NEUROG3: variants seen among roughly 807,000 people sequenced by gnomAD.
NEUROG3 encodes the protein neurogenin 3.
For missense variants in NEUROG3, 307 were observed against 297.9 expected, an observed-to-expected ratio of 1.03 and a Z score of -0.22; for synonymous variants, 161 against 139.2, an observed-to-expected ratio of 1.16 and a Z score of -1.10.
At position 69,573,331 on chromosome 10, in the gene NEUROG3, C is replaced by T. The variant is rs1413823592; in HGVS notation, c.-123G>A. On this transcript the variant is annotated 5_prime_UTR_variant, in exon 1 of 2. Coordinates refer to ENST00000242462, the MANE Select transcript of NEUROG3 (RefSeq NM_020999.4). Reference sequence around the variant, plus strand: ...GCCCCCGCCTGGGAGTTGCCCCAGCCCCAAAGGAGAAAAGAAGAGAGAATG... The same window carrying T: ...GCCCCCGCCTGGGAGTTGCCCCAGCTCCAAAGGAGAAAAGAAGAGAGAATG... 1 of 544,772 alleles carries T rather than the reference C, an allele frequency of 1.8e-6. No individual in the cohort carries two copies. Among genetic ancestry groups the T allele is most frequent in the East Asian group, 3.2e-5 (1 of 31,406 alleles). The allele number at this position is 544,772 out of a possible 1,614,324, so 33.7% of individuals were successfully genotyped here. A position where few individuals can be genotyped will look rare whatever the true frequency, so the allele number is the denominator to read the frequency against.
At position 69,573,207 on chromosome 10, in the gene NEUROG3, T is replaced by C. The variant is rs1839242304; in HGVS notation, c.-2+3A>G. On this transcript the variant is annotated splice_donor_region_variant and intron_variant, in intron 1 of 1. Transcript: ENST00000242462. Reference sequence around the variant, plus strand: ...CCGTCCCTCGGAGGCCTCCAAATATTACCTTTCTACCGGCGCAAAAGAATA... The same window carrying C: ...CCGTCCCTCGGAGGCCTCCAAATATCACCTTTCTACCGGCGCAAAAGAATA... 4 of 709,598 alleles carry C rather than the reference T, an allele frequency of 5.6e-6. No individual in the cohort carries two copies. In the Admixed American group the frequency reaches 8.5e-5, roughly 15 times the overall value. 44.0% of individuals were successfully genotyped at this position (709,598 alleles called of 1,614,324 possible).
In NEUROG3 at chr10:69,573,296, A is replaced by C. The variant is rs1414350372; in HGVS notation, c.-88T>G. The C allele has an allele frequency of 1.8e-6, 1 of 566,838 alleles. No homozygotes were observed. Among genetic ancestry groups the C allele is most frequent in the Non-Finnish European group, 3.1e-6 (1 of 323,232 alleles). 35.1% of individuals were successfully genotyped at this position (566,838 alleles called of 1,614,324 possible). On this transcript the variant is annotated 5_prime_UTR_variant, in exon 1 of 2. Coordinates refer to ENST00000242462, the MANE Select transcript of NEUROG3 (RefSeq NM_020999.4). ...GGCTTCTGGTCGCCAAGTTCAGCTG[A>C]GCTGCAGGCGCCCCCGCCTGGGAGT... is the stretch of plus-strand genomic sequence containing the variant.
In NEUROG3 at chr10:69,571,721, G is replaced by C. The variant is rs943931532; in HGVS notation, c.*678C>G. 64 of 152,248 alleles carry C rather than the reference G, an allele frequency of 4.2e-4. No individual in the cohort carries two copies. Among genetic ancestry groups the C allele is most frequent in the African/African-American group, 1.3e-3 (54 of 41,466 alleles). The allele number at this position is 152,248 out of a possible 1,614,324, so 9.4% of individuals were successfully genotyped here. A position where few individuals can be genotyped will look rare whatever the true frequency, so the allele number is the denominator to read the frequency against. ...CGGTGCTCCAGGCACCTGCAGCGCAGCTCACGTTTCAGGCGCAGTTCGCAG... is the reference window on the plus strand; with the variant it reads ...CGGTGCTCCAGGCACCTGCAGCGCACCTCACGTTTCAGGCGCAGTTCGCAG... On this transcript the variant is annotated 3_prime_UTR_variant, in exon 2 of 2. Transcript: ENST00000242462.
At chr10:69,573,152 G>T in intron 1 of NEUROG3, 58 bp downstream of exon 1, 2 of 1,292,598 alleles carry the variant, frequency 1.5e-6, no homozygotes, top group Non-Finnish European at 2.2e-6. Context: ...CCCAGCCCCC[G>T]CTGGGTCAGA....
intron 1 of NEUROG3, 63 bp from the exon 2 acceptor site, chr10:69,573,107 G>T: frequency 6.3e-7 from 1 of 1,581,740 alleles, no homozygotes; most frequent in Non-Finnish European, 8.6e-7. Context: ...CCGCGATTCC[G>T]AGGCTAGGTG....
At position 69,572,660 on chromosome 10, in the gene NEUROG3, G is replaced by A; in HGVS notation, c.384C>T (p.Ala128=). 2 of 1,614,136 alleles carry A rather than the reference G, an allele frequency of 1.2e-6. No homozygotes were observed. Among genetic ancestry groups the A allele is most frequent in the Non-Finnish European group, 1.7e-6 (2 of 1,179,954 alleles). The change falls in exon 2 of 2, where the codon GCC becomes GCT. Residue 128 remains alanine, a synonymous_variant. Transcript: ENST00000242462. The stretch of plus-strand genomic sequence containing the variant: ...GAGTCAGCGCCCAGATGTAGTTGTG[G>A]GCGAAGCGCAGCGTCTCGATCTTGG... The part of the protein sequence containing the change: ...KLTKIETLRF[A]HNYIWALTQT...
Position 69,572,955 on chromosome 10 carries a change from G to A in NEUROG3, c.89C>T (p.Thr30Ile). Residue 30 changes from threonine to isoleucine, a missense_variant, in exon 2 of 2, where the codon ACC becomes ATC. By Grantham distance (89) the Thr-to-Ile change is moderately conservative (BLOSUM62 -1). Transcript: ENST00000242462. The part of the protein sequence containing the change: ...SFPRASEDEV[T>I]CPTSAPPSPT... ...GCTGGGCGGGGCGGACGTGGGGCAG[G>A]TCACTTCGTCTTCCGAGGCTCTGGG... 1 of 1,613,332 alleles carries A rather than the reference G, an allele frequency of 6.2e-7. No homozygotes were observed. Among genetic ancestry groups the A allele is most frequent in the Non-Finnish European group, 8.5e-7 (1 of 1,180,010 alleles).
intron 1 of NEUROG3, 63 bp from the exon 2 acceptor site, chr10:69,573,107 G>C: frequency 6.3e-7 from 1 of 1,581,740 alleles, no homozygotes; most frequent in Admixed American, 1.7e-5. Context: ...CCGCGATTCC[G>C]AGGCTAGGTG....
Position 69,572,186 on chromosome 10 carries a change from A to C in NEUROG3, c.*213T>G. ...ATGCCCACTTCGCGCGGGCAGCAGC[A>C]AGGGTTGCGTGCGTTGGCGCGGCTC... On this transcript the variant is annotated 3_prime_UTR_variant, in exon 2 of 2. Coordinates refer to ENST00000242462, the MANE Select transcript of NEUROG3 (RefSeq NM_020999.4). The C allele has an allele frequency of 1.6e-6, 1 of 614,860 alleles. No homozygotes were observed. 38.1% of individuals were successfully genotyped at this position (614,860 alleles called of 1,614,324 possible).
In NEUROG3 at chr10:69,572,248, T is replaced by A; in HGVS notation, c.*151A>T. On this transcript the variant is annotated 3_prime_UTR_variant, in exon 2 of 2. Transcript: ENST00000242462. ...GAATGAACCCAGCCTGCCGCCCCCGTGGAGGCCTGGGCCGGCCAGGGGTCA... is the reference window on the plus strand; with the variant it reads ...GAATGAACCCAGCCTGCCGCCCCCGAGGAGGCCTGGGCCGGCCAGGGGTCA... 1.2e-6 allele frequency: 1 copy of A among 868,726 alleles called. No homozygotes were observed. Among genetic ancestry groups the A allele is most frequent in the Non-Finnish European group, 1.7e-6 (1 of 575,762 alleles). The allele number at this position is 868,726 out of a possible 1,614,324, so 53.8% of individuals were successfully genotyped here.
In NEUROG3 at chr10:69,572,916, C is replaced by G; in HGVS notation, c.128G>C (p.Arg43Pro). Reference sequence around the variant, plus strand: ...CTCTTCCGCCTCTGCGCAGTTCCCCCGTGTGCGAGTGGGGCTGGGCGGGGC... The same window carrying G: ...CTCTTCCGCCTCTGCGCAGTTCCCCGGTGTGCGAGTGGGGCTGGGCGGGGC... ...TSAPPSPTRT[R>P]GNCAEAEEGG... Residue 43 changes from arginine to proline, a missense_variant, in exon 2 of 2, where the codon CGG becomes CCG. By Grantham distance (103) the Arg-to-Pro change is moderately radical. Coordinates refer to ENST00000242462, the MANE Select transcript of NEUROG3 (RefSeq NM_020999.4). 6.2e-7 allele frequency: 1 copy of G among 1,612,326 alleles called. No individual in the cohort carries two copies. The highest frequency in any genetic ancestry group is 8.5e-7 in the Non-Finnish European group (1 of 1,179,796).
chr10:69,571,690 G>C (rs77871908), downstream of NEUROG3: 3 of 152,200 alleles, frequency 2.0e-5, no homozygotes, highest in East Asian at 5.8e-4. Flanking sequence ...AAAAAAAAAA[G>C]ATGCGCGGTG....
chr10:69,572,786 C>G lies in NEUROG3; in HGVS notation c.258G>C (p.Lys86Asn). 4.3e-6 allele frequency: 7 copies of G among 1,613,868 alleles called. No homozygotes were observed. The South Asian group carries it at 5.5e-5, about 13-fold the overall frequency. The stretch of plus-strand genomic sequence containing the variant: ...GATTGCGCTCGCGGTCGTTGGCCTT[C>G]TTTCGCCGACTCCGTCGCTGCTTGC... ...ALSKQRRSRR[K>N]KANDRERNRM... The change falls in exon 2 of 2, where the codon AAG becomes AAC. Residue 86 changes from lysine (K) to asparagine (N), a missense_variant. Physicochemically the swap from Lys to Asn is moderately conservative, Grantham distance 94. Coordinates refer to ENST00000242462, the MANE Select transcript of NEUROG3 (RefSeq NM_020999.4).
rs199710370 is a variant in NEUROG3 at position 69,572,582 on chromosome 10, C to T, written c.462G>A (p.Pro154=). The change falls in exon 2 of 2, where the codon CCG becomes CCA. Residue 154 remains proline, a synonymous_variant. Coordinates refer to ENST00000242462, the MANE Select transcript of NEUROG3 (RefSeq NM_020999.4). ...HSLYALEPPA[P]HCGELGSPGG... Reference sequence around the variant, plus strand: ...CTGGGCTGCCCAGCTCCCCGCAGTGCGGCGCCGGCGGCTCCAGCGCGTACA... The same window carrying T: ...CTGGGCTGCCCAGCTCCCCGCAGTGTGGCGCCGGCGGCTCCAGCGCGTACA... The T allele has an allele frequency of 5.0e-6, 8 of 1,613,388 alleles. No homozygotes were observed. The highest frequency in any genetic ancestry group is 3.3e-5 in the Admixed American group (2 of 59,984).
chr10:69,572,921 G>C lies in NEUROG3; in HGVS notation c.123C>G (p.Arg41=), dbSNP rs768195832. The change falls in exon 2 of 2, where the codon CGC becomes CGG. Residue 41 remains arginine, a synonymous_variant. Transcript: ENST00000242462. ...CCGCCTCTGCGCAGTTCCCCCGTGT[G>C]CGAGTGGGGCTGGGCGGGGCGGACG... ...CPTSAPPSPT[R]TRGNCAEAEE... 1.2e-6 allele frequency: 2 copies of C among 1,612,538 alleles called. No individual in the cohort carries two copies. Among genetic ancestry groups the C allele is most frequent in the South Asian group, 2.2e-5 (2 of 91,030 alleles).
rs567309990 is a variant in NEUROG3, at chr10:69,572,908, A to T, written c.136T>A (p.Cys46Ser). ...PPSPTRTRGN[C>S]AEAEEGGCRG... Reference sequence around the variant, plus strand: ...CAGCCTCCCTCTTCCGCCTCTGCGCAGTTCCCCCGTGTGCGAGTGGGGCTG... The same window carrying T: ...CAGCCTCCCTCTTCCGCCTCTGCGCTGTTCCCCCGTGTGCGAGTGGGGCTG... Residue 46 changes from cysteine (C) to serine (S), a missense_variant, in exon 2 of 2, where the codon TGC (cysteine) becomes AGC (serine). Transcript: ENST00000242462. The T allele has an allele frequency of 4.7e-5, 75 of 1,611,612 alleles. 1 individual carries two copies. The South Asian group carries it at 7.8e-4, about 17-fold the overall frequency.
chr10:69,572,177 G>A lies in NEUROG3; in HGVS notation c.*222C>T. On this transcript the variant is annotated 3_prime_UTR_variant, in exon 2 of 2. Transcript: ENST00000242462. ...CACTTTGCAATGCCCACTTCGCGCGGGCAGCAGCAAGGGTTGCGTGCGTTG... is the reference window on the plus strand; with the variant it reads ...CACTTTGCAATGCCCACTTCGCGCGAGCAGCAGCAAGGGTTGCGTGCGTTG... 3.3e-6 allele frequency: 2 copies of A among 603,980 alleles called. No individual in the cohort carries two copies. The highest frequency in any genetic ancestry group is 5.8e-6 in the Non-Finnish European group (2 of 342,094). 37.4% of individuals were successfully genotyped at this position (603,980 alleles called of 1,614,324 possible).
At chr10:69,573,174 TCC>T in intron 1 of NEUROG3, 34 bp downstream of exon 1, 1 of 1,003,980 alleles carries the variant, frequency 1.0e-6, no homozygotes, top group South Asian at 1.5e-5. Flanking sequence ...GATCCCTCTT[TCC>T]CCTGCCCGTC....
At position 69,573,008 on chromosome 10, in the gene NEUROG3, T is replaced by C; in HGVS notation, c.36A>G (p.Gln12=). The part of the protein sequence containing the change: ...TPQPSGAPTV[Q]VTRETERSFP... Reference sequence around the variant, plus strand: ...AGGACCGCTCCGTCTCACGGGTCACTTGGACAGTGGGCGCACCCGAGGGTT... The same window carrying C: ...AGGACCGCTCCGTCTCACGGGTCACCTGGACAGTGGGCGCACCCGAGGGTT... The change falls in exon 2 of 2, where the codon CAA becomes CAG. Residue 12 remains glutamine, a synonymous_variant. Coordinates refer to ENST00000242462, the MANE Select transcript of NEUROG3 (RefSeq NM_020999.4). The C allele has an allele frequency of 6.2e-7, 1 of 1,613,700 alleles. No homozygotes were observed. The highest frequency in any genetic ancestry group is 8.5e-7 in the Non-Finnish European group (1 of 1,179,994).
Sources: allele counts gnomAD v4.1 joint callset, GRCh38; gene constraint gnomAD v4.1.1; transcripts MANE v1.5; gene names NCBI Gene and HGNC (gene_info 2026-07-23, HGNC 2026-07-21).